Variants in TET1 observed in about 807,000 individuals in gnomAD.
TET1 encodes the protein methylcytosine dioxygenase TET1.
Under a neutral mutation model 148.7 loss-of-function variants are expected in TET1, and 13 were observed. The observed-to-expected ratio is 0.09, with a 90% CI of 0.06 to 0.14. The LOEUF is 0.14. TET1 is among the 10% of genes least tolerant of loss of function. The pLI is 1.00. For synonymous variants in TET1, 907 were observed against 937.2 expected (o/e 0.97, Z 0.59); for missense variants, 2,182 against 2,553.8 (o/e 0.85, Z 3.14).
chr10:68,586,835 C>T (rs772907279), intron 2 of TET1, among the ~76,000 whole-genome samples: 3 of 152,096 alleles, frequency 2.0e-5, no homozygotes, highest in Admixed American at 6.6e-5. Flanking sequence ...GTCTGTAAAG[C>T]GTCTTGCAGT....
In TET1 at chr10:68,645,399, A is replaced by G. The variant is rs1362626418; in HGVS notation, c.2670A>G (p.Gln890=). 3 of 1,614,116 alleles carry G rather than the reference A, an allele frequency of 1.9e-6. No individual in the cohort carries two copies. Among genetic ancestry groups the G allele is most frequent in the Non-Finnish European group, 2.5e-6 (3 of 1,180,042 alleles). The part of the protein sequence containing the change: ...LMKDRRLTLE[Q]VVAIEALTQL... Reference sequence around the variant, plus strand: ...AAGATAGGAGATTAACATTGGAGCAAGTGGTAGCCATAGAGGCCCTGACTC... The same window carrying G: ...AAGATAGGAGATTAACATTGGAGCAGGTGGTAGCCATAGAGGCCCTGACTC... Residue 890 remains glutamine, a synonymous_variant, in exon 4 of 12, where the codon CAA becomes CAG. Coordinates refer to ENST00000373644, the MANE Select transcript of TET1 (RefSeq NM_030625.3).
intron 11 of TET1, among the ~76,000 whole-genome samples, chr10:68,690,515 A>G (rs1967167): frequency 0.89 from 136,031 of 152,010 alleles, 61,364 homozygotes; most frequent in East Asian, 0.98. Flanking sequence ...GGTTGAGGCA[A>G]GAGAATGGCA....
chr10:68,660,255 T>C (rs1331011966), intron 6 of TET1, among the ~76,000 whole-genome samples: 2 of 152,162 alleles, frequency 1.3e-5, no homozygotes, highest in Admixed American at 1.3e-4. Context: ...TTTAAAAAAA[T>C]TATAATTTAC....
intron 4 of TET1, among the ~76,000 whole-genome samples, chr10:68,648,804 G>A (rs538293805): frequency 1.7e-4 from 26 of 152,216 alleles, no homozygotes; most frequent in South Asian, 1.0e-3. Context: ...GTGGATATGA[G>A]GTCTCACTTT....
chr10:68,644,937 G>A lies in TET1; in HGVS notation c.2208G>A (p.Ser736=), dbSNP rs147806730. The change falls in exon 4 of 12, where the codon TCG becomes TCA. Residue 736 remains serine, a synonymous_variant. Transcript: ENST00000373644. The stretch of plus-strand genomic sequence containing the variant: ...CTAATGTCCCAGAAGCTGAAAAATC[G>A]AAAAACTCTGAAGTTGACAAGAAAC... ...FSANVPEAEK[S]KNSEVDKKRT... The A allele has an allele frequency of 2.8e-5, 45 of 1,611,370 alleles. No homozygotes were observed. Among genetic ancestry groups the A allele is most frequent in the Non-Finnish European group, 3.5e-5 (41 of 1,179,196 alleles).
At chr10:68,613,529 C>T (rs914462177) in intron 3 of TET1, among the ~76,000 whole-genome samples, 2 of 152,098 alleles carry the variant, frequency 1.3e-5, no homozygotes, top group African/African-American at 4.8e-5. Context: ...GCATCCACCC[C>T]AGTGGTTTCA....
At chr10:68,603,008 C>G (rs1427203257) in intron 3 of TET1, among the ~76,000 whole-genome samples, 1 of 151,808 alleles carries the variant, frequency 6.6e-6, no homozygotes, top group Non-Finnish European at 1.5e-5. Context: ...CTATAGAAGA[C>G]ATAAAAAAAA....
Position 68,632,461 on chromosome 10 carries a change from C to T in TET1, c.1969-12237C>T, listed in dbSNP as rs533771680. 77 of 1,612,556 alleles carry T rather than the reference C, an allele frequency of 4.8e-5. No homozygotes were observed. In the South Asian group the frequency reaches 8.0e-4, roughly 17 times the overall value. On this transcript the variant is annotated intron_variant, in intron 3 of 11. Transcript: ENST00000373644. Reference sequence around the variant, plus strand: ...AGATGTTGAAAATACTCCCTGCGCCCGGCATTCAATATTGTATGGTTCATT... The same window carrying T: ...AGATGTTGAAAATACTCCCTGCGCCTGGCATTCAATATTGTATGGTTCATT...
At chr10:68,588,180 A>T (rs528381660) in intron 2 of TET1, among the ~76,000 whole-genome samples, 2 of 152,208 alleles carry the variant, frequency 1.3e-5, no homozygotes, top group South Asian at 4.2e-4. Context: ...TTATATGTAG[A>T]AATAGAGATG....
At chr10:68,644,112 C>T (rs2054803068) in intron 3 of TET1, among the ~76,000 whole-genome samples, 1 of 151,926 alleles carries the variant, frequency 6.6e-6, no homozygotes, top group Non-Finnish European at 1.5e-5. Context: ...ACCATATTGG[C>T]CATGCTGGTC....
intron 3 of TET1, among the ~76,000 whole-genome samples, chr10:68,639,361 G>A (rs2054703957): frequency 6.6e-6 from 1 of 151,902 alleles, no homozygotes; most frequent in Admixed American, 6.6e-5. Context: ...GACGGAGGTT[G>A]CAGTGAGCTG....
Position 68,693,930 on chromosome 10 carries a change from G to A in TET1, c.*2116G>A, listed in dbSNP as rs2055623871. 4.3e-6 allele frequency: 1 copy of A among 230,240 alleles called. No homozygotes were observed. Among genetic ancestry groups the A allele is most frequent in the Admixed American group, 5.7e-5 (1 of 17,656 alleles). The allele number at this position is 230,240 out of a possible 1,614,324, so 14.3% of individuals were successfully genotyped here. A position where few individuals can be genotyped will look rare whatever the true frequency, so the allele number is the denominator to read the frequency against. ...TCGAGTCTACACTTATTGAATGCCT[G>A]CAAAATCTAAGTATCACTTTTATTT... On this transcript the variant is annotated 3_prime_UTR_variant, in exon 12 of 12. Coordinates refer to ENST00000373644, the MANE Select transcript of TET1 (RefSeq NM_030625.3).
At chr10:68,653,014 A>C (rs986092044) in intron 6 of TET1, among the ~76,000 whole-genome samples, 117 of 151,512 alleles carry the variant, frequency 7.7e-4, no homozygotes, top group African/African-American at 2.8e-3. Context: ...ATATTTTCTC[A>C]GTTTGTTGTG....
rs199882600 is a variant in TET1 at position 68,691,785 on chromosome 10, G to A, written c.6382G>A (p.Val2128Ile). 365 of 1,613,348 alleles carry A rather than the reference G, an allele frequency of 2.3e-4. 3 individuals carry two copies. Among genetic ancestry groups the A allele is most frequent in the South Asian group, 2.0e-3 (183 of 91,048 alleles). The change falls in exon 12 of 12, where the codon GTT becomes ATT. Residue 2128 changes from valine (V) to isoleucine (I), a missense_variant. By Grantham distance (29) the Val-to-Ile change is conservative. Coordinates refer to ENST00000373644, the MANE Select transcript of TET1 (RefSeq NM_030625.3). This position sits in a 1 kb window ranked among gnomAD's most constrained non-coding sequence, Gnocchi z 4.4. The part of the protein sequence containing the change: ...VTVSPYALTH[V>I]AGPYNHWV ...CGTGTCCCCTTATGCTCTCACACAC[G>A]TTGCGGGGCCCTATAACCATTGGGT...
intron 2 of TET1, among the ~76,000 whole-genome samples, chr10:68,598,236 A>G (rs1174566409): frequency 6.6e-6 from 1 of 152,178 alleles, no homozygotes; most frequent in Non-Finnish European, 1.5e-5. Context: ...CAAAAAATAC[A>G]AAAAATTAGC....
chr10:68,653,865 G>A (rs146490465), intron 6 of TET1, among the ~76,000 whole-genome samples: 1 of 152,108 alleles, frequency 6.6e-6, no homozygotes, highest in Non-Finnish European at 1.5e-5. Context: ...CTAACACTTT[G>A]GGAGGCCGAG....
intron 8 of TET1, chr10:68,675,154 G>GA: frequency 8.6e-6 from 3 of 347,722 alleles, no homozygotes; most frequent in Non-Finnish European, 5.3e-6. Flanking sequence ...ATTTGTGGGG[G>GA]AAAAAAGTGT....
intron 3 of TET1, among the ~76,000 whole-genome samples, chr10:68,618,111 C>T (rs1197095929): frequency 2.6e-5 from 4 of 151,892 alleles, no homozygotes; most frequent in Non-Finnish European, 5.9e-5. Context: ...GCAATGGTAC[C>T]TCTTGAGTTT....
intron 8 of TET1, among the ~76,000 whole-genome samples, chr10:68,675,412 T>A (rs556497605): frequency 6.6e-6 from 1 of 152,260 alleles, no homozygotes; most frequent in South Asian, 2.1e-4. Flanking sequence ...CTGGTGAAGC[T>A]TGGGTGGAAG....
Sources: gnomAD v4.1 joint callset for allele counts (sites outside exome capture counted in the v4.1 genomes callset) on GRCh38, gnomAD v4.1.1 for gene constraint, Gnocchi (gnomAD v3.1) non-coding constraint, MANE v1.5 for transcripts, NCBI Gene and HGNC (gene_info 2026-07-23, HGNC 2026-07-21) for gene names.